The following TULP3 variants were observed in gnomAD, a reference collection of about 807,000 sequenced individuals.
TULP3 encodes the protein tubby-related protein 3.
Under a neutral mutation model 50.7 loss-of-function variants are expected in TULP3, and 38 were observed. That is an observed-to-expected ratio of 0.75 (90% CI 0.58 to 0.98). The LOEUF is 0.98. TULP3 is among the 50% of genes least tolerant of loss of function. The pLI is 0.00. For missense variants in TULP3, 550 were observed against 568.0 expected, an observed-to-expected ratio of 0.97 and a Z score of 0.32; for synonymous variants, 183 against 196.6, an observed-to-expected ratio of 0.93 and a Z score of 0.58.
At chr12:2,926,916 T>C (rs1251255821) in intron 4 of TULP3, among the ~76,000 whole-genome samples, 2 of 152,180 alleles carry the variant, frequency 1.3e-5, no homozygotes, top group African/African-American at 2.4e-5. Flanking sequence ...TTTAAATAAA[T>C]AAACAATAAA....
chr12:2,893,238 C>G (rs1367780013), intron 1 of TULP3, among the ~76,000 whole-genome samples: 1 of 151,732 alleles, frequency 6.6e-6, no homozygotes, highest in African/African-American at 2.4e-5. Flanking sequence ...AATGTTAGTG[C>G]AACTTCTATC....
At position 2,894,215 on chromosome 12, in the gene TULP3, T is replaced by C. The variant is rs907978522; in HGVS notation, c.41+3227T>C. ...TTGTCCATATACCATGATTTCTCTT[T>C]AGAAATATAAACAGTAGGCTGGGCA... On this transcript the variant is annotated intron_variant, in intron 1 of 10. Transcript: ENST00000448120. 4.1e-5 allele frequency among the ~76,000 whole-genome samples: 6 copies of C among 144,704 alleles called. No homozygotes were observed. The East Asian group carries it at 1.2e-3, about 29-fold the overall frequency. The allele number at this position is 144,704 out of a possible 152,430, so 94.9% of individuals were successfully genotyped here.
chr12:2,930,166 C>A, intron 4 of TULP3, 82 bp from the exon 5 acceptor site: 2 of 991,008 alleles, frequency 2.0e-6, no homozygotes, highest in Non-Finnish European at 3.0e-6. Flanking sequence ...ATGTTTTAAG[C>A]AAGAAAATTA....
chr12:2,926,761 AGGTGTG>A, intron 4 of TULP3, among the ~76,000 whole-genome samples: 1 of 112,062 alleles, frequency 8.9e-6, no homozygotes, highest in Non-Finnish European at 1.8e-5. Flanking sequence ...AAAAGTAGCC[AGGTGTG>A]GTGGTGGTGG....
At chr12:2,903,764 TTAA>T (rs2098180599) in intron 1 of TULP3, among the ~76,000 whole-genome samples, 1 of 152,062 alleles carries the variant, frequency 6.6e-6, no homozygotes. Flanking sequence ...TCCCCTAATG[TTAA>T]CGTCTTCTTT....
rs1043796232 is a variant in TULP3, at chr12:2,899,019, T to C, written c.41+8031T>C. Among the ~76,000 whole-genome samples, 3 of 152,130 alleles carry C rather than the reference T, an allele frequency of 2.0e-5. No individual in the cohort carries two copies. The East Asian group carries it at 5.8e-4, about 29-fold the overall frequency. ...TATAATTTTTACATGTCTCAAAATATTATTCTTCAGATATTTTTAACCTTT... is the reference window on the plus strand; with the variant it reads ...TATAATTTTTACATGTCTCAAAATACTATTCTTCAGATATTTTTAACCTTT... On this transcript the variant is annotated intron_variant, in intron 1 of 10. Transcript: ENST00000448120.
intron 1 of TULP3, among the ~76,000 whole-genome samples, chr12:2,907,573 G>C (rs913294364): frequency 3.3e-5 from 5 of 151,860 alleles, no homozygotes; most frequent in African/African-American, 1.2e-4. Flanking sequence ...GCTTGAACCC[G>C]GGAGGCGGAG....
Position 2,940,331 on chromosome 12 carries a change from A to G in TULP3, c.*887A>G. On this transcript the variant is annotated 3_prime_UTR_variant, in exon 11 of 11. Transcript: ENST00000448120. ...ACCATTTAGTTTAGTTAAAAAAAAA[A>G]AAAAAAAGGTGGCAGGAGAGGCTTT... The G allele has an allele frequency of 6.8e-7, 1 of 1,464,736 alleles. No homozygotes were observed. The highest frequency in any genetic ancestry group is 9.0e-7 in the Non-Finnish European group (1 of 1,112,882). 90.7% of individuals were successfully genotyped at this position (1,464,736 alleles called of 1,614,324 possible). A position where few individuals can be genotyped will look rare whatever the true frequency, so the allele number is the denominator to read the frequency against.
intron 2 of TULP3, among the ~76,000 whole-genome samples, chr12:2,915,260 G>C (rs1268270477): frequency 6.6e-6 from 1 of 152,180 alleles, no homozygotes; most frequent in Non-Finnish European, 1.5e-5. Flanking sequence ...AAAATGCTGG[G>C]ATTACAGGCG....
At chr12:2,933,741 A>G (rs769751387) in intron 7 of TULP3, among the ~76,000 whole-genome samples, 11 of 152,258 alleles carry the variant, frequency 7.2e-5, no homozygotes, top group Non-Finnish European at 1.3e-4. Context: ...ACTTGAAGTC[A>G]GGAGTTGGAG....
intron 1 of TULP3, among the ~76,000 whole-genome samples, chr12:2,891,379 G>A (rs2098171924): frequency 6.6e-6 from 1 of 152,190 alleles, no homozygotes; most frequent in Non-Finnish European, 1.5e-5. Context: ...CTCCCGGGAG[G>A]CGGTGCGGGT....
intron 8 of TULP3, among the ~76,000 whole-genome samples, 200 bp downstream of exon 8, chr12:2,934,761 C>A (rs1297373340): frequency 6.6e-6 from 1 of 152,138 alleles, no homozygotes; most frequent in Non-Finnish European, 1.5e-5. Flanking sequence ...CAGAACATTT[C>A]TTCCCTTATT....
chr12:2,937,563 G>A (rs961353901), intron 8 of TULP3, 68 bp from the exon 9 acceptor site: 31 of 1,111,224 alleles, frequency 2.8e-5, no homozygotes, highest in Non-Finnish European at 3.2e-5. Flanking sequence ...AAAGTCTCAT[G>A]TTATAAAAGA....
At chr12:2,923,205 A>T (rs985916752) in intron 4 of TULP3, among the ~76,000 whole-genome samples, 1 of 152,184 alleles carries the variant, frequency 6.6e-6, no homozygotes, top group Non-Finnish European at 1.5e-5. Context: ...CCCTTTGCAG[A>T]TGAGAAAACT....
intron 1 of TULP3, among the ~76,000 whole-genome samples, chr12:2,892,311 G>A (rs371850898): frequency 4.6e-5 from 7 of 152,134 alleles, no homozygotes; most frequent in African/African-American, 1.7e-4. Context: ...ACAGGTGTAA[G>A]TGGTAGAGGA....
chr12:2,925,605 G>A (rs1448993693), intron 4 of TULP3, among the ~76,000 whole-genome samples: 2 of 152,136 alleles, frequency 1.3e-5, no homozygotes, highest in Non-Finnish European at 2.9e-5. Flanking sequence ...TGCCTTGGGG[G>A]TTTGTAAAGA....
Position 2,939,485 on chromosome 12 carries a change from T to G in TULP3, c.*41T>G. The G allele has an allele frequency of 3.7e-6, 6 of 1,610,620 alleles. No individual in the cohort carries two copies. Among genetic ancestry groups the G allele is most frequent in the Non-Finnish European group, 5.1e-6 (6 of 1,178,500 alleles). On this transcript the variant is annotated 3_prime_UTR_variant, in exon 11 of 11. Transcript: ENST00000448120. The surrounding 1 kb of genome is among the most constrained non-coding windows in gnomAD (Gnocchi z 4.0). ...GGGAGCCCTTCTCCCCACAGAGCTT[T>G]CAGGAGCAGACAGTGGCCTCCCCTT...
At chr12:2,922,211 G>A (rs914982767) in intron 3 of TULP3, 51 bp from the exon 4 acceptor site, 5 of 1,583,174 alleles carry the variant, frequency 3.2e-6, no homozygotes, top group Non-Finnish European at 4.3e-6. Context: ...TACCCAACTA[G>A]TGAATAATAC....
intron 8 of TULP3, among the ~76,000 whole-genome samples, chr12:2,936,556 A>G (rs1338206825): frequency 6.6e-6 from 1 of 151,352 alleles, no homozygotes; most frequent in African/African-American, 2.4e-5. Flanking sequence ...TTCGAGACCA[A>G]CATGGAGAAA....
Sources: gnomAD v4.1 joint callset for allele counts (sites outside exome capture counted in the v4.1 genomes callset) on GRCh38, gnomAD v4.1.1 for gene constraint, Gnocchi (gnomAD v3.1) non-coding constraint, MANE v1.5 for transcripts, NCBI Gene and HGNC (gene_info 2026-07-23, HGNC 2026-07-21) for gene names.